SPRED2: variants seen among roughly 807,000 people sequenced by gnomAD.
SPRED2 encodes sprouty-related, EVH1 domain-containing protein 2.
Under a neutral mutation model 43.0 loss-of-function variants are expected in SPRED2, and 47 were observed. The observed-to-expected ratio is 1.09, with a 90% CI of 0.87 to 1.40. SPRED2 has a LOEUF of 1.40. SPRED2 is among the 40% of genes most tolerant of loss of function. SPRED2 has a pLI of 0.00. For missense variants in SPRED2, 561 were observed against 586.4 expected (o/e 0.96, Z 0.45); for synonymous variants, 225 against 225.7 (o/e 1.00, Z 0.03).
chr2:65,367,444 A>AT (rs974314189), intron 1 of SPRED2, among the ~76,000 whole-genome samples: 3 of 152,000 alleles, frequency 2.0e-5, no homozygotes, highest in African/African-American at 7.3e-5. Context: ...ATCTTTGAAA[A>AT]TTTTCATAAT....
At chr2:65,355,364 G>A (rs1674618631) in intron 1 of SPRED2, among the ~76,000 whole-genome samples, 1 of 152,130 alleles carries the variant, frequency 6.6e-6, no homozygotes, top group Non-Finnish European at 1.5e-5. Flanking sequence ...GTAGTTCTGA[G>A]TTTTTTTCAA....
intron 1 of SPRED2, among the ~76,000 whole-genome samples, chr2:65,357,408 C>T (rs906218644): frequency 2.6e-5 from 4 of 152,110 alleles, no homozygotes; most frequent in East Asian, 1.9e-4. Context: ...CTGTGGAAAC[C>T]GTCTATGCTA....
intron 1 of SPRED2, among the ~76,000 whole-genome samples, chr2:65,420,560 T>A (rs1021901442): frequency 2.6e-5 from 4 of 152,242 alleles, no homozygotes; most frequent in African/African-American, 9.6e-5. Flanking sequence ...CAAATTTGGG[T>A]AAATGGTTTA....
At chr2:65,430,517 G>A (rs1676652300) in intron 1 of SPRED2, among the ~76,000 whole-genome samples, 1 of 152,236 alleles carries the variant, frequency 6.6e-6, no homozygotes, top group South Asian at 2.1e-4. Context: ...CTAGAGTAGG[G>A]CACAGCACTG....
At chr2:65,388,741 A>C (rs1675564063) in intron 1 of SPRED2, among the ~76,000 whole-genome samples, 1 of 152,122 alleles carries the variant, frequency 6.6e-6, no homozygotes, top group Non-Finnish European at 1.5e-5. Flanking sequence ...CCCCAACTAA[A>C]AACACTACTG....
At chr2:65,322,294 ATT>A (rs1178902612) in intron 4 of SPRED2, among the ~76,000 whole-genome samples, 870 of 64,776 alleles carry the variant, frequency 0.013, 6 homozygotes, top group Admixed American at 0.017. Context: ...ATATATATAT[ATT>A]TTTTTTTTTT....
chr2:65,382,685 G>A (rs1219270352), intron 1 of SPRED2, among the ~76,000 whole-genome samples: 1 of 152,164 alleles, frequency 6.6e-6, no homozygotes, highest in Non-Finnish European at 1.5e-5. Flanking sequence ...TAAAATATTT[G>A]TTTCCACAGT....
intron 1 of SPRED2, among the ~76,000 whole-genome samples, chr2:65,397,270 C>G (rs1675778705): frequency 6.6e-6 from 1 of 152,110 alleles, no homozygotes; most frequent in Admixed American, 6.5e-5. Context: ...TCCTGAGTAC[C>G]CTGAAAATGA....
chr2:65,331,649 A>T (rs906776842), intron 4 of SPRED2, among the ~76,000 whole-genome samples: 8 of 152,224 alleles, frequency 5.3e-5, no homozygotes, highest in African/African-American at 1.9e-4. Context: ...GTTTCCCAGG[A>T]CTAGGGACAT....
chr2:65,431,696 C>A (rs1387305237), intron 1 of SPRED2, among the ~76,000 whole-genome samples: 1 of 152,124 alleles, frequency 6.6e-6, no homozygotes, highest in African/African-American at 2.4e-5. Flanking sequence ...GGAGCGGAGA[C>A]CGCCGGGAGG....
chr2:65,381,749 G>A (rs536002111), intron 1 of SPRED2, among the ~76,000 whole-genome samples: 8 of 152,324 alleles, frequency 5.3e-5, no homozygotes, highest in Non-Finnish European at 7.3e-5. Context: ...AGATCTCACC[G>A]TGTAATATCC....
intron 1 of SPRED2, among the ~76,000 whole-genome samples, chr2:65,422,104 ACTCTCTCTCTCT>A (rs71398633): frequency 5.2e-4 from 67 of 129,024 alleles, no homozygotes; most frequent in Middle Eastern, 4.4e-3. Context: ...ACACACACAC[ACTCTCTCTCTCT>A]CTCTCTCTCT....
downstream of SPRED2, chr2:65,308,549 C>T (rs549066026): frequency 6.1e-6 from 6 of 985,390 alleles, no homozygotes; most frequent in Middle Eastern, 5.2e-4. Flanking sequence ...GTTGTTCTCT[C>T]GAGTTCCTGA....
At chr2:65,407,446 G>A (rs1023398410) in intron 1 of SPRED2, among the ~76,000 whole-genome samples, 2 of 151,906 alleles carry the variant, frequency 1.3e-5, no homozygotes, top group African/African-American at 4.8e-5. Flanking sequence ...GATTCAGCAC[G>A]AGGGGGTTCT....
chr2:65,368,535 T>C (rs1201174512), intron 1 of SPRED2, among the ~76,000 whole-genome samples: 2 of 152,194 alleles, frequency 1.3e-5, no homozygotes, highest in Non-Finnish European at 2.9e-5. Context: ...TCACAGTTCA[T>C]TGAAGAATTT....
In SPRED2 at chr2:65,399,387, T is replaced by C. The variant is rs564132544; in HGVS notation, c.26+32575A>G. Among the ~76,000 whole-genome samples the C allele has an allele frequency of 1.7e-3, 222 of 132,360 alleles. 7 individuals carry two copies. In the East Asian group the frequency reaches 0.045, roughly 27 times the overall value. The allele number at this position is 132,360 out of a possible 152,430, so 86.8% of individuals were successfully genotyped here. ...ATAGAACTGGAAACTATTATTCTTTTTTTTTTTTTTTTTTTGAGAGGGAAT... is the reference window on the plus strand; with the variant it reads ...ATAGAACTGGAAACTATTATTCTTTCTTTTTTTTTTTTTTTGAGAGGGAAT... On this transcript the variant is annotated intron_variant, in intron 1 of 5. Transcript: ENST00000356388.
intron 1 of SPRED2, among the ~76,000 whole-genome samples, chr2:65,431,706 G>A (rs909903163): frequency 3.3e-5 from 5 of 151,924 alleles, no homozygotes; most frequent in African/African-American, 9.7e-5. Context: ...CCGCCGGGAG[G>A]TCACCCGCAC....
intron 1 of SPRED2, chr2:65,366,670 TA>T: frequency 1.9e-6 from 3 of 1,543,220 alleles, no homozygotes. Context: ...AAGCTTCCGA[TA>T]AAAATGGATC....
chr2:65,342,028 G>A (rs1296480021), intron 2 of SPRED2, among the ~76,000 whole-genome samples: 1 of 151,538 alleles, frequency 6.6e-6, no homozygotes, highest in Admixed American at 6.6e-5. Flanking sequence ...ACACATGAAG[G>A]AGAAAAATAA....
Sources: gnomAD v4.1 joint callset for allele counts (sites outside exome capture counted in the v4.1 genomes callset) on GRCh38, gnomAD v4.1.1 for gene constraint, MANE v1.5 for transcripts, NCBI Gene and HGNC (gene_info 2026-07-23, HGNC 2026-07-21) for gene names.